Variants in PRSS50 observed in about 807,000 individuals in gnomAD.
PRSS50 encodes serine protease 50, also known as probable threonine protease PRSS50.
A neutral mutation model predicts 34.2 loss-of-function variants in PRSS50; 23 were observed. That is an observed-to-expected ratio of 0.67 (90% CI 0.48 to 0.95). The LOEUF (loss-of-function observed/expected upper bound fraction) is 0.95, where lower values mean the gene tolerates loss of function less well. PRSS50 is among the 40% of genes least tolerant of loss of function. The pLI is 0.00. For synonymous variants in PRSS50, 224 were observed against 211.2 expected, an observed-to-expected ratio of 1.06 and a Z score of -0.53; for missense variants, 484 against 513.4, an observed-to-expected ratio of 0.94 and a Z score of 0.55.
At position 46,717,164 on chromosome 3, in the gene PRSS50, G is replaced by A. The variant is rs375924654; in HGVS notation, c.307+273C>T. Among the ~76,000 whole-genome samples the A allele has an allele frequency of 2.6e-5, 4 of 152,138 alleles. No individual in the cohort carries two copies. The East Asian group carries it at 5.8e-4, about 22-fold the overall frequency. On this transcript the variant is annotated intron_variant, in intron 2 of 5. Coordinates refer to ENST00000315170, the MANE Select transcript of PRSS50 (RefSeq NM_013270.5). The surrounding 1 kb of genome is among the most constrained non-coding windows in gnomAD (Gnocchi z 4.5). Reference sequence around the variant, plus strand: ...CCCACAGCCAGCTCAGGCGAGGCGGGAACACACAGCCGGCCCCAGGCCCCT... The same window carrying A: ...CCCACAGCCAGCTCAGGCGAGGCGGAAACACACAGCCGGCCCCAGGCCCCT...
In PRSS50 at chr3:46,715,582, G is replaced by A. The variant is rs1240936218; in HGVS notation, c.423C>T (p.Thr141=). ...RANGTHICAG[T]IIASQWVLTV... is the part of the protein sequence containing the mutation. ...TCAGCACCCACTGGGAGGCAATGAT[G>A]GTGCCGGCACAGATGTGTGTGCCAT... The change falls in exon 3 of 6, where the codon ACC becomes ACT. Residue 141 remains threonine, a synonymous_variant. Transcript: ENST00000315170. The surrounding 1 kb of genome is among the most constrained non-coding windows in gnomAD (Gnocchi z 5.2). 1 of 1,613,738 alleles carries A rather than the reference G, an allele frequency of 6.2e-7. No individual in the cohort carries two copies. The highest frequency in any genetic ancestry group is 8.5e-7 in the Non-Finnish European group (1 of 1,179,858).
intron 5 of PRSS50, 75 bp downstream of exon 5, chr3:46,712,826 C>T (rs774773195): frequency 3.9e-6 from 6 of 1,531,658 alleles, no homozygotes; most frequent in Middle Eastern, 1.8e-4. Context: ...CAACCTCCAC[C>T]GTTCCGCTCT....
rs982616218 is a variant in PRSS50, at chr3:46,717,719, C to T, written c.106G>A (p.Gly36Ser). ...GGGGTAGGGATCGGGAGGGACTCAC[C>T]TGCAGACCTCAGCAACAGAAGCAGC... The part of the protein sequence containing the change: ...LLLLLLLRSA[G>S]CWGAGEAPGA... Residue 36 changes from glycine (G) to serine (S), a missense_variant and splice_region_variant, in exon 1 of 6, where the codon GGT becomes AGT. Gly to Ser is a moderately conservative substitution (Grantham distance 56). Coordinates refer to ENST00000315170, the MANE Select transcript of PRSS50 (RefSeq NM_013270.5). The surrounding 1 kb of genome is among the most constrained non-coding windows in gnomAD (Gnocchi z 4.5). 5 of 1,597,688 alleles carry T rather than the reference C, an allele frequency of 3.1e-6. No homozygotes were observed. The highest frequency in any genetic ancestry group is 1.7e-5 in the Admixed American group (1 of 57,724).
rs764346103 is a variant in PRSS50, at chr3:46,713,064, A to G, written c.758T>C (p.Met253Thr). 2.5e-6 allele frequency: 4 copies of G among 1,613,878 alleles called. No individual in the cohort carries two copies. In the South Asian group the frequency reaches 3.3e-5, roughly 13 times the overall value. Residue 253 changes from methionine to threonine, a missense_variant, in exon 5 of 6, where the codon ATG becomes ACG. Physicochemically the swap from Met to Thr is moderately conservative, Grantham distance 81. Transcript: ENST00000315170. ...CTGAATGGTCCGGAACTGAGGCCAC[A>G]TGCCTGTGGGACAGGGCCCCATTTA... is the stretch of plus-strand genomic sequence containing the variant. ...TGWGLSKADG[M>T]WPQFRTIQEK...
Position 46,715,816 on chromosome 3 carries a change from T to A in PRSS50, c.308-119A>T, listed in dbSNP as rs1239910828. On this transcript the variant is annotated intron_variant, in intron 2 of 5. Coordinates refer to ENST00000315170, the MANE Select transcript of PRSS50 (RefSeq NM_013270.5). This position sits in a 1 kb window ranked among gnomAD's most constrained non-coding sequence, Gnocchi z 5.2. The stretch of plus-strand genomic sequence containing the variant: ...GCACCCATCCAGGGGTGCTCCCTTT[T>A]CACCTGTCACCATGGAATGATGCTG... 1.9e-5 allele frequency: 20 copies of A among 1,073,856 alleles called. No homozygotes were observed. The East Asian group carries it at 2.1e-4, about 11-fold the overall frequency. The allele number at this position is 1,073,856 out of a possible 1,614,324, so 66.5% of individuals were successfully genotyped here.
rs1054373500 is a variant in PRSS50, at chr3:46,716,109, G to T, written c.308-412C>A. On this transcript the variant is annotated intron_variant, in intron 2 of 5. Coordinates refer to ENST00000315170, the MANE Select transcript of PRSS50 (RefSeq NM_013270.5). The surrounding 1 kb of genome is among the most constrained non-coding windows in gnomAD (Gnocchi z 4.4). The stretch of plus-strand genomic sequence containing the variant: ...CCTCCTCTGGGAACCCCTTTCTGTG[G>T]CTCAGTGAGAGGAAAGTGGATGCCC... 6.6e-6 allele frequency among the ~76,000 whole-genome samples: 1 copy of T among 152,164 alleles called. No homozygotes were observed.
At position 46,712,887 on chromosome 3, in the gene PRSS50, G is replaced by A; in HGVS notation, c.921+14C>T. 2 of 1,613,180 alleles carry A rather than the reference G, an allele frequency of 1.2e-6. No individual in the cohort carries two copies. Among genetic ancestry groups the A allele is most frequent in the South Asian group, 2.2e-5 (2 of 90,960 alleles). ...GTGCCCCTGAAGGGGAGTGAGCGAGGAGAGGCCGCTCACATAGCAGAACTT... is the reference window on the plus strand; with the variant it reads ...GTGCCCCTGAAGGGGAGTGAGCGAGAAGAGGCCGCTCACATAGCAGAACTT... On this transcript the variant is annotated intron_variant, in intron 5 of 5. Coordinates refer to ENST00000315170, the MANE Select transcript of PRSS50 (RefSeq NM_013270.5).
At position 46,713,750 on chromosome 3, in the gene PRSS50, G is replaced by A. The variant is rs138780530; in HGVS notation, c.754+468C>T. Among the ~76,000 whole-genome samples, 21 of 152,324 alleles carry A rather than the reference G, an allele frequency of 1.4e-4. 1 individual carries two copies. Among genetic ancestry groups the A allele is most frequent in the African/African-American group, 4.8e-4 (20 of 41,578 alleles). ...CTGGGCCTTGCTCCTGAATTGGGAC[G>A]ACCAGGAGTTGAGGCCCACTGAGGG... On this transcript the variant is annotated intron_variant, in intron 4 of 5. Coordinates refer to ENST00000315170, the MANE Select transcript of PRSS50 (RefSeq NM_013270.5).
chr3:46,714,357 G>T lies in PRSS50; in HGVS notation c.615C>A (p.Asn205Lys), dbSNP rs374975497. 6.2e-7 allele frequency: 1 copy of T among 1,613,998 alleles called. No individual in the cohort carries two copies. Among genetic ancestry groups the T allele is most frequent in the Admixed American group, 1.7e-5 (1 of 60,022 alleles). ...QRFWSWVGQANDIGLLKLKQE... is the reference protein window; with the variant it reads ...QRFWSWVGQAKDIGLLKLKQE... ...GCTTGAGCTTGAGGAGGCCGATGTC[G>T]TTGGCCTGGCCCACCCAGGACCAGA... The change falls in exon 4 of 6, where the codon AAC becomes AAA. Residue 205 changes from asparagine to lysine, a missense_variant. By Grantham distance (94) the Asn-to-Lys change is moderately conservative. Transcript: ENST00000315170.
Position 46,714,353 on chromosome 3 carries a change from T to C in PRSS50, c.619A>G (p.Ile207Val). 1 of 1,614,016 alleles carries C rather than the reference T, an allele frequency of 6.2e-7. No homozygotes were observed. The highest frequency in any genetic ancestry group is 1.1e-5 in the South Asian group (1 of 91,056). Residue 207 changes from isoleucine to valine, a missense_variant, in exon 4 of 6, where the codon ATC becomes GTC. Coordinates refer to ENST00000315170, the MANE Select transcript of PRSS50 (RefSeq NM_013270.5). ...TCCTGCTTGAGCTTGAGGAGGCCGATGTCGTTGGCCTGGCCCACCCAGGAC... is the reference window on the plus strand; with the variant it reads ...TCCTGCTTGAGCTTGAGGAGGCCGACGTCGTTGGCCTGGCCCACCCAGGAC... ...FWSWVGQAND[I>V]GLLKLKQELK...
At position 46,714,265 on chromosome 3, in the gene PRSS50, T is replaced by C. The variant is rs542879789; in HGVS notation, c.707A>G (p.Asp236Gly). Reference sequence around the variant, plus strand: ...GCCCGTCACAGTGCAGCGGGAATGGTCCTTCAACACATAGTCCGTGCCAGG... The same window carrying C: ...GCCCGTCACAGTGCAGCGGGAATGGCCCTTCAACACATAGTCCGTGCCAGG... ...CLPGTDYVLK[D>G]HSRCTVTGWG... Residue 236 changes from aspartate to glycine, a missense_variant, in exon 4 of 6, where the codon GAC (aspartate) becomes GGC (glycine). Transcript: ENST00000315170. The C allele has an allele frequency of 1.9e-6, 3 of 1,614,112 alleles. No homozygotes were observed. In the East Asian group the frequency reaches 6.7e-5, roughly 36 times the overall value.
chr3:46,712,688 A>AC (rs1253698446), intron 5 of PRSS50, among the ~76,000 whole-genome samples: 1 of 105,160 alleles, frequency 9.5e-6, no homozygotes, highest in Non-Finnish European at 1.9e-5. Flanking sequence ...CTCCCCACGG[A>AC]CCCCCCACTC....
In PRSS50 at chr3:46,714,257, G is replaced by A. The variant is rs61740484; in HGVS notation, c.715C>T (p.Arg239Cys). 1,471 of 1,614,136 alleles carry A rather than the reference G, an allele frequency of 9.1e-4. 5 individuals are homozygous for A. The African/African-American group carries it at 0.016, about 17-fold the overall frequency. The change falls in exon 4 of 6, where the codon CGC (arginine) becomes TGC (cysteine). Residue 239 changes from arginine (R) to cysteine (C), a missense_variant. Coordinates refer to ENST00000315170, the MANE Select transcript of PRSS50 (RefSeq NM_013270.5). ...AGTCCCCAGCCCGTCACAGTGCAGC[G>A]GGAATGGTCCTTCAACACATAGTCC... ...GTDYVLKDHS[R>C]CTVTGWGLSK...
rs1201242789 is a variant in PRSS50 at position 46,716,647 on chromosome 3, CAGTG to C, written c.307+786_307+789del. On this transcript the variant is annotated intron_variant, in intron 2 of 5. Transcript: ENST00000315170. This position sits in a 1 kb window ranked among gnomAD's most constrained non-coding sequence, Gnocchi z 4.4. The stretch of plus-strand genomic sequence containing the variant: ...ACGCAACATCTGTGACACCGAGTGT[CAGTG>C]AGGATTATCACCCAGAATGCCTACC... Among the ~76,000 whole-genome samples the C allele has an allele frequency of 1.3e-5, 2 of 152,198 alleles. No individual in the cohort carries two copies. Among genetic ancestry groups the C allele is most frequent in the Non-Finnish European group, 2.9e-5 (2 of 68,040 alleles).
rs375031103 is a variant in PRSS50, at chr3:46,715,681, G to A, written c.324C>T (p.Tyr108=). ...VDPYRSCGFS[Y]EQDPTLRDPE... Reference sequence around the variant, plus strand: ...GGTCCCTGAGGGTGGGGTCCTGCTCGTAGGAAAAGCCACAGGCTGAGGAGG... The same window carrying A: ...GGTCCCTGAGGGTGGGGTCCTGCTCATAGGAAAAGCCACAGGCTGAGGAGG... Residue 108 remains tyrosine (Y), a synonymous_variant, in exon 3 of 6, where the codon TAC becomes TAT. Coordinates refer to ENST00000315170, the MANE Select transcript of PRSS50 (RefSeq NM_013270.5). This position sits in a 1 kb window ranked among gnomAD's most constrained non-coding sequence, Gnocchi z 5.2. The A allele has an allele frequency of 8.8e-5, 141 of 1,603,736 alleles. No homozygotes were observed. The highest frequency in any genetic ancestry group is 1.1e-4 in the East Asian group (5 of 44,386).
intron 4 of PRSS50, 37 bp from the exon 5 acceptor site, chr3:46,713,104 C>G: frequency 6.2e-7 from 1 of 1,606,748 alleles, no homozygotes; most frequent in African/African-American, 1.3e-5. Context: ...CAGCCACTCA[C>G]CGCTGCCCAC....
chr3:46,713,007 T>A lies in PRSS50; in HGVS notation c.815A>T (p.Glu272Val). Reference protein sequence around the residue: ...EKEVIILNNKECDNFYHNFTK... With the variant: ...EKEVIILNNKVCDNFYHNFTK... ...GAAGTTGTGGTAGAAATTGTCACAC[T>A]CTTTGTTGTTCAGGATGATGACTTC... Residue 272 changes from glutamate (E) to valine (V), a missense_variant, in exon 5 of 6, where the codon GAG becomes GTG. By Grantham distance (121) the Glu-to-Val change is moderately radical. Transcript: ENST00000315170. 1 of 1,614,154 alleles carries A rather than the reference T, an allele frequency of 6.2e-7. No homozygotes were observed. The highest frequency in any genetic ancestry group is 1.1e-5 in the South Asian group (1 of 91,074).
Position 46,717,683 on chromosome 3 carries a change from G to A in PRSS50, c.106+36C>T, listed in dbSNP as rs373475260. 1.2e-5 allele frequency: 19 copies of A among 1,600,410 alleles called. No individual in the cohort carries two copies. The East Asian group carries it at 2.3e-4, about 19-fold the overall frequency. ...ATTAGAGGTGGAAGGCGAGGGCCGCGTCAGGCGGGTGGGGTAGGGATCGGG... is the reference window on the plus strand; with the variant it reads ...ATTAGAGGTGGAAGGCGAGGGCCGCATCAGGCGGGTGGGGTAGGGATCGGG... On this transcript the variant is annotated intron_variant, in intron 1 of 5. Coordinates refer to ENST00000315170, the MANE Select transcript of PRSS50 (RefSeq NM_013270.5). This position sits in a 1 kb window ranked among gnomAD's most constrained non-coding sequence, Gnocchi z 4.5.
Position 46,717,373 on chromosome 3 carries a change from CA to C in PRSS50, c.307+63del. On this transcript the variant is annotated intron_variant, in intron 2 of 5. Transcript: ENST00000315170. This position sits in a 1 kb window ranked among gnomAD's most constrained non-coding sequence, Gnocchi z 4.5. ...TCCCTTCTGCTCCCCTAGCCCCAGC[CA>C]AGGTCCTTAAGACTCCTCTGTCACC... 1 of 1,576,750 alleles carries C rather than the reference CA, an allele frequency of 6.3e-7. No homozygotes were observed. The highest frequency in any genetic ancestry group is 8.7e-7 in the Non-Finnish European group (1 of 1,150,040).
Sources: allele counts gnomAD v4.1 joint callset (sites outside exome capture counted in the v4.1 genomes callset), GRCh38; gene constraint gnomAD v4.1.1; non-coding constraint Gnocchi (gnomAD v3.1); transcripts MANE v1.5; gene names NCBI Gene and HGNC (gene_info 2026-07-23, HGNC 2026-07-21).